COP1: variants seen among roughly 807,000 people sequenced by gnomAD.
COP1 encodes E3 ubiquitin-protein ligase COP1.
Under a neutral mutation model 101.3 loss-of-function variants are expected in COP1, and 24 were observed. The observed-to-expected ratio is 0.24, with a 90% confidence interval of 0.17 to 0.33. The LOEUF is 0.33. Ranked by LOEUF, COP1 falls within the 10% of genes least tolerant of loss-of-function variation. The pLI is 1.00. For missense variants in COP1, 663 were observed against 906.2 expected, an observed-to-expected ratio of 0.73 and a Z score of 3.45; for synonymous variants, 347 against 341.9, an observed-to-expected ratio of 1.01 and a Z score of -0.17.
At chr1:175,996,470 A>T (rs1430659577) in intron 15 of COP1, among the ~76,000 whole-genome samples, 1 of 152,068 alleles carries the variant, frequency 6.6e-6, no homozygotes, top group African/African-American at 2.4e-5. Flanking sequence ...CCCTGTTTGC[A>T]GATGACATGA....
chr1:175,952,383 T>C (rs1213906487), intron 18 of COP1, among the ~76,000 whole-genome samples: 2 of 144,530 alleles, frequency 1.4e-5, no homozygotes, highest in Admixed American at 7.1e-5. Flanking sequence ...GATGGCACCA[T>C]TGCACTCCAT....
At chr1:176,121,056 G>T (rs1220688747) in intron 8 of COP1, among the ~76,000 whole-genome samples, 4 of 151,304 alleles carry the variant, frequency 2.6e-5, no homozygotes, top group Non-Finnish European at 5.9e-5. Context: ...GATTTTTTTT[G>T]CTATAAACGT....
At chr1:176,183,298 T>A (rs1433571348) in intron 2 of COP1, among the ~76,000 whole-genome samples, 1 of 152,148 alleles carries the variant, frequency 6.6e-6, no homozygotes, top group Non-Finnish European at 1.5e-5. Flanking sequence ...CTGATTTCAA[T>A]ATGAATTAGA....
chr1:176,174,971 T>C (rs763807682), intron 3 of COP1, among the ~76,000 whole-genome samples: 84 of 152,202 alleles, frequency 5.5e-4, no homozygotes, highest in Non-Finnish European at 1.6e-4. Context: ...GACTAGTTAT[T>C]ATTTCCGATC....
chr1:176,151,286 GAAGGAGAGAAAGAAAGA>G (rs1375678100), intron 5 of COP1, among the ~76,000 whole-genome samples: 28 of 143,800 alleles, frequency 1.9e-4, no homozygotes, highest in African/African-American at 3.4e-4. Context: ...AGGAAGGAAG[GAAGGAGAGAAAGAAAGA>G]AAGGAGAGAA....
At chr1:176,028,372 G>A (rs527618274) in intron 14 of COP1, among the ~76,000 whole-genome samples, 3 of 151,572 alleles carry the variant, frequency 2.0e-5, no homozygotes, top group Non-Finnish European at 4.4e-5. Context: ...AGAGACTAGC[G>A]TGGGCAACAT....
intron 15 of COP1, among the ~76,000 whole-genome samples, chr1:176,025,220 T>G (rs115622001): frequency 4.7e-4 from 72 of 152,262 alleles, no homozygotes; most frequent in African/African-American, 1.7e-3. Flanking sequence ...CTAAAGCTCA[T>G]TCAACTAAAT....
chr1:176,065,121 C>A (rs1331357223), intron 11 of COP1, among the ~76,000 whole-genome samples: 1 of 152,174 alleles, frequency 6.6e-6, no homozygotes, highest in African/African-American at 2.4e-5. Context: ...TAATGGCATT[C>A]ATTTTATTCC....
intron 14 of COP1, among the ~76,000 whole-genome samples, chr1:176,042,562 C>T (rs1006169672): frequency 1.9e-5 from 1 of 53,100 alleles, no homozygotes; most frequent in African/African-American, 7.9e-5. Flanking sequence ...GAATCCGTCT[C>T]AAAAAAAAAA....
chr1:176,009,421 T>C lies in COP1; in HGVS notation c.1729+18151A>G, dbSNP rs371188008. Reference sequence around the variant, plus strand: ...AACATAGTACCATATAATAATATACTAACGTATTCTCATGTTAATACAAAA... The same window carrying C: ...AACATAGTACCATATAATAATATACCAACGTATTCTCATGTTAATACAAAA... On this transcript the variant is annotated intron_variant, in intron 15 of 19. Coordinates refer to ENST00000367669, the MANE Select transcript of COP1 (RefSeq NM_022457.7). Among the ~76,000 whole-genome samples, 26 of 152,328 alleles carry C rather than the reference T, an allele frequency of 1.7e-4. No homozygotes were observed. The East Asian group carries it at 4.6e-3, about 27-fold the overall frequency.
chr1:176,034,986 A>G (rs1669234866), intron 14 of COP1, among the ~76,000 whole-genome samples: 1 of 152,340 alleles, frequency 6.6e-6, no homozygotes, highest in East Asian at 1.9e-4. Context: ...CACAATTTAA[A>G]CAGGACCCAA....
chr1:175,969,585 C>T (rs1244617426), intron 18 of COP1, among the ~76,000 whole-genome samples: 1 of 152,164 alleles, frequency 6.6e-6, no homozygotes, highest in Non-Finnish European at 1.5e-5. Flanking sequence ...TGAGACTATT[C>T]ATTTCTTCAT....
At chr1:176,120,060 C>G (rs750548766) in intron 8 of COP1, among the ~76,000 whole-genome samples, 1 of 152,110 alleles carries the variant, frequency 6.6e-6, no homozygotes, top group Non-Finnish European at 1.5e-5. Context: ...CCTGGATTAG[C>G]CTCCACTTTG....
Position 176,176,960 on chromosome 1 carries a change from C to T in COP1, c.468-953G>A, listed in dbSNP as rs75893458. On this transcript the variant is annotated intron_variant, in intron 2 of 19. Transcript: ENST00000367669. ...GGAAAAACCTTAAGGTTTTTACATA[C>T]CCTTTTGAATATTTTACTTCTAGGA... Among the ~76,000 whole-genome samples the T allele has an allele frequency of 2.4e-3, 371 of 152,144 alleles. 3 individuals carry two copies. The highest frequency in any genetic ancestry group is 8.6e-3 in the African/African-American group (355 of 41,476).
intron 15 of COP1, among the ~76,000 whole-genome samples, chr1:176,008,076 C>T (rs1442593142): frequency 1.2e-4 from 19 of 152,274 alleles, no homozygotes; most frequent in South Asian, 2.1e-4. Flanking sequence ...GTCGGAAAAG[C>T]GCAGTATTTG....
In COP1 at chr1:176,052,782, T is replaced by C. The variant is rs147016260; in HGVS notation, c.1278-6458A>G. Among the ~76,000 whole-genome samples the C allele has an allele frequency of 1.7e-3, 257 of 152,320 alleles. 1 individual carries two copies. Among genetic ancestry groups the C allele is most frequent in the African/African-American group, 5.9e-3 (246 of 41,564 alleles). ...ATGCATAAACACGCATACACGTATT[T>C]GGTTTTTTTCAATTAAACATATGAG... On this transcript the variant is annotated intron_variant, in intron 11 of 19. Coordinates refer to ENST00000367669, the MANE Select transcript of COP1 (RefSeq NM_022457.7).
chr1:176,089,299 TAAC>T (rs143549335), intron 9 of COP1, among the ~76,000 whole-genome samples: 87 of 150,598 alleles, frequency 5.8e-4, no homozygotes, highest in African/African-American at 1.2e-3. Flanking sequence ...TCTAAAACAA[TAAC>T]AACAACAACA....
chr1:175,948,110 C>G (rs1473194637), intron 18 of COP1, among the ~76,000 whole-genome samples: 1 of 152,152 alleles, frequency 6.6e-6, no homozygotes, highest in Non-Finnish European at 1.5e-5. Context: ...TTGGTAATTA[C>G]TTGGATGAGA....
intron 3 of COP1, among the ~76,000 whole-genome samples, chr1:176,170,977 T>C (rs1026651097): frequency 6.6e-6 from 1 of 151,664 alleles, no homozygotes; most frequent in Non-Finnish European, 1.5e-5. Flanking sequence ...TACAAAAAAT[T>C]AGCCGGGCTT....
Sources: allele counts gnomAD v4.1 joint callset (sites outside exome capture counted in the v4.1 genomes callset), GRCh38; gene constraint gnomAD v4.1.1; transcripts MANE v1.5; gene names NCBI Gene and HGNC (gene_info 2026-07-23, HGNC 2026-07-21).